The following NRG3 variants were observed in gnomAD, a reference collection of about 807,000 sequenced individuals.
The protein encoded by NRG3 is neuregulin 3.
Under a neutral mutation model 66.9 loss-of-function variants are expected in NRG3, and 31 were observed. The ratio of observed to expected loss-of-function variants is 0.46; its 90% confidence interval spans 0.35 to 0.63. The LOEUF is 0.63. Among genes scored for constraint, NRG3 ranks in the 20% least tolerant of loss-of-function variants. The pLI is 0.00. For synonymous variants in NRG3, 393 were observed against 359.4 expected (o/e 1.09, Z -1.06); for missense variants, 910 against 878.9 (o/e 1.04, Z -0.45).
At chr10:82,873,008 A>G (rs117310751) in intron 4 of NRG3, among the ~76,000 whole-genome samples, 3,350 of 152,232 alleles carry the variant, frequency 0.022, 53 homozygotes, top group Middle Eastern at 0.037. Context: ...AAGGTTTTTG[A>G]GTAGATTTAT....
At chr10:82,034,622 T>A (rs1458328026) in intron 1 of NRG3, among the ~76,000 whole-genome samples, 5 of 152,114 alleles carry the variant, frequency 3.3e-5, no homozygotes, top group Non-Finnish European at 7.4e-5. Context: ...TGAAAGCAAC[T>A]GGGGAATGCA....
chr10:82,377,707 C>A (rs975913869), intron 2 of NRG3, among the ~76,000 whole-genome samples: 2 of 152,100 alleles, frequency 1.3e-5, no homozygotes, highest in Non-Finnish European at 2.9e-5. Context: ...TAAATCTAAA[C>A]CTAGAGAACA....
At chr10:82,433,575 G>C (rs2089955054) in intron 2 of NRG3, among the ~76,000 whole-genome samples, 1 of 152,130 alleles carries the variant, frequency 6.6e-6, no homozygotes, top group Admixed American at 6.6e-5. Context: ...GGTTTTTAAG[G>C]TTTTAGGTTT....
At chr10:81,982,403 C>T (rs1335352854) in intron 1 of NRG3, among the ~76,000 whole-genome samples, 1 of 152,204 alleles carries the variant, frequency 6.6e-6, no homozygotes, top group South Asian at 2.1e-4. Flanking sequence ...ATCTGTGCCT[C>T]AAACCTCTCA....
intron 1 of NRG3, among the ~76,000 whole-genome samples, chr10:82,227,210 A>G (rs563935361): frequency 1.3e-5 from 2 of 152,198 alleles, no homozygotes; most frequent in South Asian, 4.1e-4. Flanking sequence ...GCTTCAGTTC[A>G]TCATCACTGC....
chr10:82,329,231 A>G (rs1393997649), intron 1 of NRG3, among the ~76,000 whole-genome samples: 1 of 152,158 alleles, frequency 6.6e-6, no homozygotes, highest in Non-Finnish European at 1.5e-5. Context: ...AAACTTTTTA[A>G]AAAAGAATTA....
intron 1 of NRG3, among the ~76,000 whole-genome samples, chr10:82,238,912 G>GTATATA (rs571009239): frequency 2.5e-5 from 3 of 120,760 alleles, no homozygotes; most frequent in African/African-American, 9.2e-5. Context: ...AGGTTATACC[G>GTATATA]TATATATATA....
At chr10:82,247,218 T>C (rs1470008740) in intron 1 of NRG3, among the ~76,000 whole-genome samples, 1 of 152,184 alleles carries the variant, frequency 6.6e-6, no homozygotes, top group African/African-American at 2.4e-5. Flanking sequence ...AGGGTATATC[T>C]TAGTTAATTT....
At chr10:82,936,524 C>T (rs1848082274) in intron 4 of NRG3, among the ~76,000 whole-genome samples, 1 of 152,048 alleles carries the variant, frequency 6.6e-6, no homozygotes, top group Non-Finnish European at 1.5e-5. Flanking sequence ...GGAATAAGTT[C>T]AAGAGACCTA....
intron 1 of NRG3, among the ~76,000 whole-genome samples, chr10:82,031,407 C>T (rs1395816374): frequency 6.6e-6 from 1 of 152,056 alleles, no homozygotes; most frequent in African/African-American, 2.4e-5. Context: ...TATTCTAACT[C>T]TTTATCCTTA....
intron 3 of NRG3, 79 bp from the exon 4 acceptor site, chr10:82,865,332 C>A (rs1481619018): frequency 1.8e-5 from 27 of 1,477,904 alleles, no homozygotes; most frequent in Non-Finnish European, 2.3e-5. Context: ...CTTATGAGCA[C>A]TGATTTCCAT....
At chr10:82,446,888 G>A (rs748216537) in intron 2 of NRG3, among the ~76,000 whole-genome samples, 4 of 152,076 alleles carry the variant, frequency 2.6e-5, no homozygotes, top group Non-Finnish European at 4.4e-5. Context: ...ATTGGAAATC[G>A]TATTTCTTTA....
At chr10:82,764,289 C>A (rs370202392) in intron 3 of NRG3, among the ~76,000 whole-genome samples, 1 of 152,028 alleles carries the variant, frequency 6.6e-6, no homozygotes, top group South Asian at 2.1e-4. Context: ...CCCGCTTCAG[C>A]TTTCTAGAGT....
chr10:82,690,931 T>C (rs965737957), intron 2 of NRG3, among the ~76,000 whole-genome samples: 3 of 152,208 alleles, frequency 2.0e-5, no homozygotes, highest in African/African-American at 7.2e-5. Flanking sequence ...CTGCTCATTC[T>C]CTTTCTTCCA....
chr10:82,441,195 G>A (rs910538970), intron 2 of NRG3, among the ~76,000 whole-genome samples: 4 of 152,198 alleles, frequency 2.6e-5, no homozygotes, highest in African/African-American at 4.8e-5. Flanking sequence ...AGGTCCACAC[G>A]AAGAATACCA....
chr10:82,350,738 G>T (rs2083383103), intron 1 of NRG3, among the ~76,000 whole-genome samples: 1 of 152,186 alleles, frequency 6.6e-6, no homozygotes, highest in Non-Finnish European at 1.5e-5. Flanking sequence ...AAGAGACTAG[G>T]AAGTGCAGTC....
intron 1 of NRG3, among the ~76,000 whole-genome samples, chr10:82,153,816 A>G (rs541855372): frequency 6.6e-6 from 1 of 152,084 alleles, no homozygotes; most frequent in South Asian, 2.1e-4. Context: ...ACAATTAGAG[A>G]TGGTGAACTT....
intron 1 of NRG3, among the ~76,000 whole-genome samples, chr10:82,109,406 C>T (rs777722819): frequency 4.6e-5 from 7 of 152,144 alleles, no homozygotes; most frequent in Non-Finnish European, 7.3e-5. Flanking sequence ...TACTGCTAAG[C>T]GCTCTATCCT....
chr10:82,273,556 G>T (rs967510895), intron 1 of NRG3, among the ~76,000 whole-genome samples: 1 of 151,936 alleles, frequency 6.6e-6, no homozygotes, highest in African/African-American at 2.4e-5. Flanking sequence ...AATAATTGAA[G>T]AAAATGTTTC....
Sources: allele counts gnomAD v4.1 joint callset (sites outside exome capture counted in the v4.1 genomes callset), GRCh38; gene constraint gnomAD v4.1.1; transcripts MANE v1.5; gene names NCBI Gene and HGNC (gene_info 2026-07-23, HGNC 2026-07-21).